DLGAP1: variants seen among roughly 807,000 people sequenced by gnomAD.
The protein encoded by DLGAP1 is DLG associated protein 1.
In DLGAP1, 11 loss-of-function variants were observed where a neutral mutation model predicts 90.8. The ratio of observed to expected loss-of-function variants is 0.12; its 90% CI spans 0.08 to 0.20. DLGAP1 has a LOEUF of 0.20. Ranked by LOEUF, DLGAP1 falls within the 10% of genes least tolerant of loss-of-function variation. The pLI is 1.00. For missense variants in DLGAP1, 1,050 were observed against 1,333.8 expected, an observed-to-expected ratio of 0.79 and a Z score of 3.31; for synonymous variants, 558 against 540.7, an observed-to-expected ratio of 1.03 and a Z score of -0.44.
chr18:4,357,933 A>T (rs1470089446), intron 1 of DLGAP1, among the ~76,000 whole-genome samples: 1 of 152,254 alleles, frequency 6.6e-6, no homozygotes, highest in Non-Finnish European at 1.5e-5. Context: ...TTTGAGCCCC[A>T]GTGTAATCAG....
chr18:4,406,007 T>A (rs773139038), intron 1 of DLGAP1, among the ~76,000 whole-genome samples: 3 of 152,128 alleles, frequency 2.0e-5, no homozygotes, highest in Non-Finnish European at 4.4e-5. Context: ...TTTTCTGGGG[T>A]ATTTAAACCG....
intron 8 of DLGAP1, among the ~76,000 whole-genome samples, chr18:3,579,942 T>C (rs2055389209): frequency 6.6e-6 from 1 of 152,214 alleles, no homozygotes; most frequent in Non-Finnish European, 1.5e-5. Flanking sequence ...TTTGTTCTCA[T>C]ATGGTCATTC....
At chr18:3,609,787 G>A in intron 7 of DLGAP1, among the ~76,000 whole-genome samples, 1 of 151,616 alleles carries the variant, frequency 6.6e-6, no homozygotes, top group African/African-American at 2.4e-5. Context: ...GCCGGGCGCG[G>A]TGGCTCACGC....
intron 2 of DLGAP1, among the ~76,000 whole-genome samples, chr18:4,019,781 A>T (rs17653931): frequency 0.11 from 16,425 of 152,134 alleles, 1,100 homozygotes; most frequent in Non-Finnish European, 0.16. Flanking sequence ...CAAGGAATCT[A>T]GGAAACGAGA....
rs184757682 is a variant in DLGAP1 at position 3,815,653 on chromosome 18, C to T, written c.958-1380G>A. Among the ~76,000 whole-genome samples, 39 of 152,192 alleles carry T rather than the reference C, an allele frequency of 2.6e-4. No homozygotes were observed. In the East Asian group the frequency reaches 5.4e-3, roughly 21 times the overall value. On this transcript the variant is annotated intron_variant, in intron 4 of 12. Transcript: ENST00000315677. ...CTGAGTTCAGCAGAGCACTGCACTA[C>T]GTTTTAGAAGCCATCTTCATGACTT... is the stretch of plus-strand genomic sequence containing the variant.
At chr18:3,837,621 G>T (rs530150279) in intron 4 of DLGAP1, among the ~76,000 whole-genome samples, 3 of 152,166 alleles carry the variant, frequency 2.0e-5, no homozygotes, top group South Asian at 4.1e-4. Context: ...GGCCGAGGTT[G>T]GTAGATTGCC....
intron 9 of DLGAP1, among the ~76,000 whole-genome samples, chr18:3,545,741 G>A (rs1304921914): frequency 2.6e-5 from 4 of 151,972 alleles, no homozygotes; most frequent in Admixed American, 6.6e-5. Flanking sequence ...AAATAGAGAC[G>A]TAAATAGTTT....
At chr18:4,163,974 G>A (rs2076890795) in intron 1 of DLGAP1, among the ~76,000 whole-genome samples, 1 of 152,008 alleles carries the variant, frequency 6.6e-6, no homozygotes, top group Non-Finnish European at 1.5e-5. Flanking sequence ...GACATCCAGG[G>A]GCTTGGCCAG....
Position 3,772,342 on chromosome 18 carries a change from C to CTCTTTCTTTCTTTCTTTCTT in DLGAP1, c.1173-29831_1173-29830insAAGAAAGAAAGAAAGAAAGA, listed in dbSNP as rs2064655920. On this transcript the variant is annotated intron_variant, in intron 5 of 12. Coordinates refer to ENST00000315677, the MANE Select transcript of DLGAP1 (RefSeq NM_004746.4). ...CCTTCCTTTCTCTCCTTCTCTCTCT[C>CTCTTTCTTTCTTTCTTTCTT]TCTCTCTTTCTTTCTTTCTTTCTTT... Among the ~76,000 whole-genome samples the CTCTTTCTTTCTTTCTTTCTT allele has an allele frequency of 5.6e-4, 45 of 81,028 alleles. 4 individuals carry two copies. The highest frequency in any genetic ancestry group is 1.7e-3 in the African/African-American group (43 of 25,392). The allele number at this position is 81,028 out of a possible 152,430, so 53.2% of individuals were successfully genotyped here. A position where few individuals can be genotyped will look rare whatever the true frequency, so the allele number is the denominator to read the frequency against.
chr18:4,088,681 C>T (rs1036876557), intron 2 of DLGAP1, among the ~76,000 whole-genome samples: 8 of 151,802 alleles, frequency 5.3e-5, no homozygotes, highest in African/African-American at 1.5e-4. Flanking sequence ...TTCCTCCAGC[C>T]GTCTGAAGAT....
intron 2 of DLGAP1, among the ~76,000 whole-genome samples, chr18:4,023,164 G>T (rs2074642342): frequency 6.6e-6 from 1 of 152,154 alleles, no homozygotes; most frequent in Non-Finnish European, 1.5e-5. Flanking sequence ...TCCTAATTTT[G>T]AAAGAGTTTG....
chr18:4,054,330 T>C (rs2075181421), intron 2 of DLGAP1, among the ~76,000 whole-genome samples: 1 of 152,210 alleles, frequency 6.6e-6, no homozygotes, highest in Non-Finnish European at 1.5e-5. Context: ...TTCTCAATAA[T>C]TTTAATGAAA....
At chr18:3,797,951 T>A (rs192604720) in intron 5 of DLGAP1, among the ~76,000 whole-genome samples, 180 of 152,268 alleles carry the variant, frequency 1.2e-3, no homozygotes, top group African/African-American at 4.0e-3. Flanking sequence ...TCTCAAGAGA[T>A]CTGATGGTTT....
chr18:4,233,428 T>C (rs377105916), intron 1 of DLGAP1, among the ~76,000 whole-genome samples: 5 of 152,202 alleles, frequency 3.3e-5, no homozygotes, highest in South Asian at 2.1e-4. Flanking sequence ...TTCTCACTAA[T>C]AGGCTGGAGT....
rs372722027 is a variant in DLGAP1, at chr18:3,827,357, A to G, written c.958-13084T>C. ...TAGGCAGGCTTAAAACGATCAACAAAGGGTGTGTTGTCGGTCCTGGAAGCT... is the reference window on the plus strand; with the variant it reads ...TAGGCAGGCTTAAAACGATCAACAAGGGGTGTGTTGTCGGTCCTGGAAGCT... On this transcript the variant is annotated intron_variant, in intron 4 of 12. Coordinates refer to ENST00000315677, the MANE Select transcript of DLGAP1 (RefSeq NM_004746.4). Among the ~76,000 whole-genome samples, 19 of 152,298 alleles carry G rather than the reference A, an allele frequency of 1.2e-4. No homozygotes were observed. In the East Asian group the frequency reaches 3.7e-3, roughly 29 times the overall value.
intron 7 of DLGAP1, among the ~76,000 whole-genome samples, chr18:3,615,865 T>G (rs938466277): frequency 6.6e-6 from 1 of 152,144 alleles, no homozygotes; most frequent in Non-Finnish European, 1.5e-5. Flanking sequence ...TTAGCAGGAA[T>G]TTTTGCAAAC....
chr18:3,976,216 AATAACG>A lies in DLGAP1; in HGVS notation c.-73+28894_-73+28899del, dbSNP rs1234720436. ...CAATAATAATAATAATAATAATAAT[AATAACG>A]ATAATTAGCCAGGTGTGGTGGTGCA... On this transcript the variant is annotated intron_variant, in intron 3 of 12. Transcript: ENST00000315677. Among the ~76,000 whole-genome samples, 37 of 149,962 alleles carry A rather than the reference AATAACG, an allele frequency of 2.5e-4. 1 individual carries two copies. The Middle Eastern group carries it at 0.014, about 57-fold the overall frequency.
chr18:3,991,133 T>G, intron 3 of DLGAP1, among the ~76,000 whole-genome samples: 1 of 152,158 alleles, frequency 6.6e-6, no homozygotes, highest in Non-Finnish European at 1.5e-5. Flanking sequence ...TTCAAATTTT[T>G]TTAAAATTTG....
chr18:4,117,270 T>C (rs2076077666), intron 2 of DLGAP1, among the ~76,000 whole-genome samples: 1 of 152,240 alleles, frequency 6.6e-6, no homozygotes, highest in South Asian at 2.1e-4. Context: ...TTAAGCCACA[T>C]AGTCTGTAGT....
Sources: gnomAD v4.1 joint callset for allele counts (sites outside exome capture counted in the v4.1 genomes callset) on GRCh38, gnomAD v4.1.1 for gene constraint, MANE v1.5 for transcripts, NCBI Gene and HGNC (gene_info 2026-07-23, HGNC 2026-07-21) for gene names.